The following NFIX variants were observed in gnomAD, a reference collection of about 807,000 sequenced individuals.
NFIX encodes nuclear factor 1 X-type.
A neutral mutation model predicts 53.3 loss-of-function variants in NFIX; 2 were observed. The observed-to-expected ratio is 0.04, with a 90% CI of 0.02 to 0.12. NFIX has a LOEUF of 0.12. NFIX is among the 10% of genes least tolerant of loss of function. The probability of loss-of-function intolerance (pLI) is 1.00; values close to 1 mark genes in which losing one functional copy is unlikely to be tolerated. For missense variants in NFIX, 310 were observed against 674.5 expected, an observed-to-expected ratio of 0.46 and a Z score of 5.99; for synonymous variants, 244 against 289.0, an observed-to-expected ratio of 0.84 and a Z score of 1.58.
rs2014202234 is a variant in NFIX, at chr19:13,036,534, G to A, written c.559+10982G>A. On this transcript the variant is annotated intron_variant, in intron 2 of 10. Coordinates refer to ENST00000592199, the MANE Select transcript of NFIX (RefSeq NM_001365902.3). The surrounding 1 kb of genome is among the most constrained non-coding windows in gnomAD (Gnocchi z 4.7). ...GACACCTGGTGACTCTTGTGGACTG[G>A]GCGGAGCTGTGTGGAGCGATCGGGA... Among the ~76,000 whole-genome samples the A allele has an allele frequency of 6.6e-6, 1 of 152,122 alleles. No homozygotes were observed. The highest frequency in any genetic ancestry group is 2.4e-5 in the African/African-American group (1 of 41,408).
chr19:13,087,710 C>T (rs1164632950), intron 8 of NFIX, among the ~76,000 whole-genome samples: 1 of 143,538 alleles, frequency 7.0e-6, no homozygotes, highest in Non-Finnish European at 1.5e-5. Flanking sequence ...AACATTTTCC[C>T]TAAGAAGTAA....
Position 13,060,771 on chromosome 19 carries a change from C to T in NFIX, c.560-12276C>T, listed in dbSNP as rs78321077. 6.6e-6 allele frequency among the ~76,000 whole-genome samples: 1 copy of T among 151,678 alleles called. No homozygotes were observed. The highest frequency in any genetic ancestry group is 2.4e-5 in the African/African-American group (1 of 41,258). ...CCCAGGGTCAGGGGGATGGGGGGGT[C>T]GGCCTCACCTCGGCTAACCTCCCAG... On this transcript the variant is annotated intron_variant, in intron 2 of 10. Coordinates refer to ENST00000592199, the MANE Select transcript of NFIX (RefSeq NM_001365902.3). This position sits in a 1 kb window ranked among gnomAD's most constrained non-coding sequence, Gnocchi z 4.3.
chr19:13,087,504 G>A (rs1019594778), intron 8 of NFIX, among the ~76,000 whole-genome samples: 1 of 152,074 alleles, frequency 6.6e-6, no homozygotes, highest in African/African-American at 2.4e-5. Flanking sequence ...GGTGGGTGCT[G>A]GCAGGCCTGC....
At chr19:13,048,290 A>C (rs2015116267) in intron 2 of NFIX, among the ~76,000 whole-genome samples, 1 of 152,128 alleles carries the variant, frequency 6.6e-6, no homozygotes, top group East Asian at 1.9e-4. Context: ...CGTATCCACA[A>C]GGTACCTCCC....
In NFIX at chr19:13,025,389, C is replaced by T. The variant is rs1426018872; in HGVS notation, c.396C>T (p.Val132=). The change falls in exon 2 of 11, where the codon GTC becomes GTT. Residue 132 remains valine (V), a synonymous_variant. Transcript: ENST00000592199. The surrounding 1 kb of genome is among the most constrained non-coding windows in gnomAD (Gnocchi z 7.5). ...QADKVWRLDL[V]MVILFKGIPL... ...ACAAGGTGTGGCGGCTGGACCTGGTCATGGTGATTTTGTTTAAGGGGATCC... is the reference window on the plus strand; with the variant it reads ...ACAAGGTGTGGCGGCTGGACCTGGTTATGGTGATTTTGTTTAAGGGGATCC... 2 of 1,613,928 alleles carry T rather than the reference C, an allele frequency of 1.2e-6. No individual in the cohort carries two copies. The highest frequency in any genetic ancestry group is 1.7e-5 in the Admixed American group (1 of 60,010).
rs1271805401 is a variant in NFIX, at chr19:13,072,950, T to C, written c.560-97T>C. On this transcript the variant is annotated intron_variant, in intron 2 of 10. Coordinates refer to ENST00000592199, the MANE Select transcript of NFIX (RefSeq NM_001365902.3). The surrounding 1 kb of genome is among the most constrained non-coding windows in gnomAD (Gnocchi z 4.0). The stretch of plus-strand genomic sequence containing the variant: ...AGGTTTCTGTAGCCAGGGTGGGCCG[T>C]CCCTGCTCTTGCACCAGGCTGGAGG... The C allele has an allele frequency of 1.7e-6, 2 of 1,207,376 alleles. No homozygotes were observed. The highest frequency in any genetic ancestry group is 1.5e-5 in the African/African-American group (1 of 66,812). The allele number at this position is 1,207,376 out of a possible 1,614,324, so 74.8% of individuals were successfully genotyped here.
intron 10 of NFIX, among the ~76,000 whole-genome samples, chr19:13,091,433 T>G (rs1397119060): frequency 6.7e-6 from 1 of 149,416 alleles, no homozygotes. Context: ...CAAAAAACTT[T>G]GTCAAACTTC....
intron 1 of NFIX, chr19:13,023,985 C>A: frequency 7.3e-7 from 1 of 1,368,360 alleles, no homozygotes; most frequent in Non-Finnish European, 9.6e-7. Flanking sequence ...CTTTTGAGTC[C>A]AGAATCTCAG....
chr19:13,082,243 C>T, intron 8 of NFIX: 2 of 227,416 alleles, frequency 8.8e-6, no homozygotes, highest in East Asian at 2.0e-4. Context: ...ACCAGGGTTT[C>T]CCCAGTATCA....
chr19:13,049,656 C>T lies in NFIX; in HGVS notation c.560-23391C>T, dbSNP rs994662675. Among the ~76,000 whole-genome samples, 4 of 150,788 alleles carry T rather than the reference C, an allele frequency of 2.7e-5. No individual in the cohort carries two copies. The highest frequency in any genetic ancestry group is 2.0e-4 in the Admixed American group (3 of 15,120). On this transcript the variant is annotated intron_variant, in intron 2 of 10. Transcript: ENST00000592199. This position sits in a 1 kb window ranked among gnomAD's most constrained non-coding sequence, Gnocchi z 4.5. Reference sequence around the variant, plus strand: ...TCGCCCAGGCTGGAGTGCAGTGGCGCGATCTCTGCTCACTGCAACCTCTGC... The same window carrying T: ...TCGCCCAGGCTGGAGTGCAGTGGCGTGATCTCTGCTCACTGCAACCTCTGC...
intron 1 of NFIX, among the ~76,000 whole-genome samples, chr19:13,015,646 T>C (rs1303954228): frequency 6.6e-6 from 1 of 152,198 alleles, no homozygotes; most frequent in Non-Finnish European, 1.5e-5. Flanking sequence ...GGAGGGGCCC[T>C]TGCTCCCCTC....
In NFIX at chr19:13,006,046, G is replaced by A. The variant is rs866929228; in HGVS notation, c.27+10182G>A. Among the ~76,000 whole-genome samples, 5 of 152,224 alleles carry A rather than the reference G, an allele frequency of 3.3e-5. No homozygotes were observed. Among genetic ancestry groups the A allele is most frequent in the Non-Finnish European group, 5.9e-5 (4 of 68,044 alleles). ...CCAGGCTCTGTTTTAGGCCCCGGGGGCTCGGCAGGGAGCAAAATCTGCAAA... is the reference window on the plus strand; with the variant it reads ...CCAGGCTCTGTTTTAGGCCCCGGGGACTCGGCAGGGAGCAAAATCTGCAAA... On this transcript the variant is annotated intron_variant, in intron 1 of 10. Coordinates refer to ENST00000592199, the MANE Select transcript of NFIX (RefSeq NM_001365902.3). This position sits in a 1 kb window ranked among gnomAD's most constrained non-coding sequence, Gnocchi z 5.6.
intron 2 of NFIX, among the ~76,000 whole-genome samples, chr19:13,029,064 CT>C (rs1307383822): frequency 2.6e-5 from 4 of 152,184 alleles, no homozygotes; most frequent in Non-Finnish European, 5.9e-5. Context: ...AGTGGTGGCT[CT>C]TTTCTTTATC....
intron 2 of NFIX, among the ~76,000 whole-genome samples, chr19:13,055,580 C>T (rs564298724): frequency 6.6e-6 from 1 of 152,216 alleles, no homozygotes; most frequent in East Asian, 1.9e-4. Context: ...CGGCTCTCCT[C>T]CTCCCTCAGC....
intron 2 of NFIX, among the ~76,000 whole-genome samples, chr19:13,053,981 C>T (rs2015486840): frequency 6.6e-6 from 1 of 152,212 alleles, no homozygotes; most frequent in African/African-American, 2.4e-5. Context: ...TGGTCCTGGC[C>T]TACTGGCCTG....
chr19:13,091,240 T>TCCC (rs1255729746), intron 10 of NFIX, among the ~76,000 whole-genome samples: 2 of 152,096 alleles, frequency 1.3e-5, no homozygotes, highest in African/African-American at 4.8e-5. Context: ...GGAGGTGTCC[T>TCCC]CAGCCCGGGG....
intron 10 of NFIX, among the ~76,000 whole-genome samples, chr19:13,092,506 C>CA (rs1407194563): frequency 6.6e-6 from 1 of 152,228 alleles, no homozygotes; most frequent in African/African-American, 2.4e-5. Context: ...CAGGAGACCC[C>CA]AAAGGGGCCA....
At chr19:13,053,633 G>A (rs1050982897) in intron 2 of NFIX, among the ~76,000 whole-genome samples, 2 of 152,140 alleles carry the variant, frequency 1.3e-5, no homozygotes, top group African/African-American at 4.8e-5. Context: ...AGCATGTAGA[G>A]GTAGAGGCAG....
At chr19:13,008,491 G>A (rs1054183208) in intron 1 of NFIX, among the ~76,000 whole-genome samples, 9 of 152,130 alleles carry the variant, frequency 5.9e-5, no homozygotes, top group African/African-American at 1.4e-4. Flanking sequence ...TCCGGGTCCC[G>A]GGAGGAGCCC....
Sources: gnomAD v4.1 joint callset for allele counts (sites outside exome capture counted in the v4.1 genomes callset) on GRCh38, gnomAD v4.1.1 for gene constraint, Gnocchi (gnomAD v3.1) non-coding constraint, MANE v1.5 for transcripts, NCBI Gene and HGNC (gene_info 2026-07-23, HGNC 2026-07-21) for gene names.